Variants in ADAM10 observed in about 807,000 individuals in gnomAD.
ADAM10 encodes the protein disintegrin and metalloproteinase domain-containing protein 10.
A neutral mutation model predicts 90.1 loss-of-function variants in ADAM10; 17 were observed. The ratio of observed to expected loss-of-function variants is 0.19; its 90% confidence interval spans 0.13 to 0.28. ADAM10 has a LOEUF of 0.28. Among genes scored for constraint, ADAM10 ranks in the 10% least tolerant of loss-of-function variants. ADAM10 has a pLI of 1.00. For synonymous variants in ADAM10, 310 were observed against 298.6 expected (o/e 1.04, Z -0.40); for missense variants, 610 against 914.3 (o/e 0.67, Z 4.29).
At chr15:58,699,396 A>C (rs796547702) in intron 2 of ADAM10, among the ~76,000 whole-genome samples, 1 of 152,206 alleles carries the variant, frequency 6.6e-6, no homozygotes, top group Non-Finnish European at 1.5e-5. Context: ...GAGAAAAAGA[A>C]GTCAAATGTT....
intron 2 of ADAM10, among the ~76,000 whole-genome samples, chr15:58,684,228 G>A (rs1897525976): frequency 6.6e-6 from 1 of 152,028 alleles, no homozygotes; most frequent in Non-Finnish European, 1.5e-5. Context: ...AGATATAGAG[G>A]GCCAAATCTA....
At chr15:58,626,378 T>C (rs1012277132) in intron 10 of ADAM10, among the ~76,000 whole-genome samples, 6 of 152,324 alleles carry the variant, frequency 3.9e-5, no homozygotes, top group East Asian at 1.9e-4. Flanking sequence ...TCTTCCTGAA[T>C]TCTTTCTCCT....
intron 1 of ADAM10, among the ~76,000 whole-genome samples, chr15:58,725,000 G>A (rs1348633389): frequency 1.3e-5 from 2 of 151,990 alleles, no homozygotes; most frequent in Non-Finnish European, 2.9e-5. Flanking sequence ...AGACGAGCCT[G>A]GGCAACATGA....
chr15:58,711,863 A>T (rs1278272716), intron 2 of ADAM10, among the ~76,000 whole-genome samples: 1 of 152,142 alleles, frequency 6.6e-6, no homozygotes, highest in Non-Finnish European at 1.5e-5. Context: ...CATTTTACTT[A>T]TTTTTTTAAT....
At chr15:58,642,827 A>G (rs2140689694) in intron 7 of ADAM10, among the ~76,000 whole-genome samples, 1 of 152,310 alleles carries the variant, frequency 6.6e-6, no homozygotes, top group Non-Finnish European at 1.5e-5. Context: ...GAATACATGA[A>G]AGCAATTAAT....
chr15:58,675,723 G>A (rs1271386975), intron 4 of ADAM10, among the ~76,000 whole-genome samples: 2 of 152,128 alleles, frequency 1.3e-5, no homozygotes, highest in African/African-American at 4.8e-5. Context: ...CTGTGTTCTG[G>A]TACAGTCTCA....
At chr15:58,719,850 T>G (rs578131571) in intron 1 of ADAM10, among the ~76,000 whole-genome samples, 2 of 152,204 alleles carry the variant, frequency 1.3e-5, no homozygotes, top group Non-Finnish European at 2.9e-5. Flanking sequence ...AGCTCTCTCT[T>G]AAGACTCACA....
chr15:58,715,471 A>T (rs2140813020), intron 2 of ADAM10, among the ~76,000 whole-genome samples: 1 of 151,920 alleles, frequency 6.6e-6, no homozygotes, highest in South Asian at 2.1e-4. Context: ...ACATTACATG[A>T]GATTTCCTGG....
chr15:58,692,202 G>A (rs752184779), intron 2 of ADAM10: 20 of 565,994 alleles, frequency 3.5e-5, no homozygotes, highest in Non-Finnish European at 6.0e-5. Flanking sequence ...CCTGATGAGG[G>A]ATGAACAGCA....
intron 9 of ADAM10, among the ~76,000 whole-genome samples, chr15:58,630,366 G>A (rs1376374747): frequency 6.6e-6 from 1 of 152,176 alleles, no homozygotes; most frequent in African/African-American, 2.4e-5. Context: ...AAAGGTCTGT[G>A]AATTAATTTG....
chr15:58,671,668 G>A (rs1393171765), intron 4 of ADAM10, among the ~76,000 whole-genome samples: 2 of 152,204 alleles, frequency 1.3e-5, no homozygotes, highest in African/African-American at 2.4e-5. Flanking sequence ...GAGCTCAAGA[G>A]CTCGAGACCA....
At chr15:58,652,347 G>A (rs1596030535) in intron 5 of ADAM10, among the ~76,000 whole-genome samples, 1 of 152,086 alleles carries the variant, frequency 6.6e-6, no homozygotes, top group South Asian at 2.1e-4. Context: ...TTTCTTCAAC[G>A]TTTTCTTGCA....
At chr15:58,641,225 C>G (rs1289847892) in intron 7 of ADAM10, among the ~76,000 whole-genome samples, 1 of 152,152 alleles carries the variant, frequency 6.6e-6, no homozygotes, top group Non-Finnish European at 1.5e-5. Context: ...TCACCAGATT[C>G]CTGAACACTG....
intron 14 of ADAM10, among the ~76,000 whole-genome samples, chr15:58,601,028 C>T (rs1895092740): frequency 6.6e-6 from 1 of 152,066 alleles, no homozygotes; most frequent in Non-Finnish European, 1.5e-5. Flanking sequence ...AATTAAAAGG[C>T]ATGTTGTAGC....
intron 5 of ADAM10, among the ~76,000 whole-genome samples, chr15:58,655,731 A>AGTG (rs1218217032): frequency 1.0e-5 from 1 of 95,864 alleles, no homozygotes; most frequent in Non-Finnish European, 2.1e-5. Context: ...ATATATATAT[A>AGTG]TATATATATT....
At chr15:58,665,513 A>G (rs1897058378) in intron 4 of ADAM10, among the ~76,000 whole-genome samples, 1 of 152,074 alleles carries the variant, frequency 6.6e-6, no homozygotes, top group South Asian at 2.1e-4. Context: ...CCAAGAGAAT[A>G]TCTATGTTTC....
intron 5 of ADAM10, among the ~76,000 whole-genome samples, chr15:58,659,216 T>C (rs138350696): frequency 0.024 from 3,593 of 148,820 alleles, 152 homozygotes; most frequent in African/African-American, 0.084. Flanking sequence ...GAGGTTGCAG[T>C]GGGCCGAGAT....
At chr15:58,610,906 G>T in intron 13 of ADAM10, 93 bp downstream of exon 13, 2 of 955,658 alleles carry the variant, frequency 2.1e-6, no homozygotes, top group South Asian at 1.3e-5. Context: ...AAATTATCTG[G>T]CCAAACTGTA....
At chr15:58,637,946 A>G (rs575822686) in intron 8 of ADAM10, among the ~76,000 whole-genome samples, 14 of 152,346 alleles carry the variant, frequency 9.2e-5, no homozygotes, top group African/African-American at 3.1e-4. Flanking sequence ...TTTAAAAAAA[A>G]AAATGTCAAA....
Sources: gnomAD v4.1 joint callset for allele counts (sites outside exome capture counted in the v4.1 genomes callset) on GRCh38, gnomAD v4.1.1 for gene constraint, MANE v1.5 for transcripts, NCBI Gene and HGNC (gene_info 2026-07-23, HGNC 2026-07-21) for gene names.